KCND3: variants seen among roughly 807,000 people sequenced by gnomAD.
KCND3 encodes A-type voltage-gated potassium channel KCND3.
In KCND3, 9 loss-of-function variants were observed where a neutral mutation model predicts 51.1. The observed-to-expected ratio is 0.18, with a 90% CI of 0.11 to 0.31. The LOEUF is 0.31. Among genes scored for constraint, KCND3 ranks in the 10% least tolerant of loss-of-function variants. KCND3 has a pLI of 1.00. For missense variants in KCND3, 526 were observed against 903.8 expected (o/e 0.58, Z 5.36); for synonymous variants, 349 against 368.0 (o/e 0.95, Z 0.59).
At chr1:111,965,574 C>G (rs1180923451) in intron 2 of KCND3, among the ~76,000 whole-genome samples, 1 of 151,724 alleles carries the variant, frequency 6.6e-6, no homozygotes, top group Non-Finnish European at 1.5e-5. Context: ...GCTCTCCAAA[C>G]CAGCTTTCTC....
intron 5 of KCND3, among the ~76,000 whole-genome samples, chr1:111,779,987 G>A (rs1664301316): frequency 6.6e-6 from 1 of 152,202 alleles, no homozygotes; most frequent in Non-Finnish European, 1.5e-5. Flanking sequence ...AGGAGTGTGT[G>A]GGAGGCTGGG....
Position 111,775,819 on chromosome 1 carries a change from A to AGC in KCND3, c.*257_*258insGC. On this transcript the variant is annotated 3_prime_UTR_variant, in exon 8 of 8. Coordinates refer to ENST00000302127, the MANE Select transcript of KCND3 (RefSeq NM_001378969.1). ...GCCTATATCCCCCGGCCTATCCCCG[A>AGC]CCCCCCCACCCTCCCTCCCTTCCTC... 35 of 97,706 alleles carry AGC rather than the reference A, an allele frequency of 3.6e-4. 8 individuals carry two copies. The highest frequency in any genetic ancestry group is 1.9e-3 in the South Asian group (10 of 5,202). 6.1% of individuals were successfully genotyped at this position (97,706 alleles called of 1,614,324 possible).
chr1:111,873,436 G>A (rs988588666), intron 2 of KCND3, among the ~76,000 whole-genome samples: 2 of 152,194 alleles, frequency 1.3e-5, no homozygotes, highest in African/African-American at 4.8e-5. Context: ...GAATTACTGG[G>A]TGAAATCTTC....
chr1:111,964,486 T>G (rs1322267069), intron 2 of KCND3, among the ~76,000 whole-genome samples: 1 of 151,904 alleles, frequency 6.6e-6, no homozygotes, highest in Non-Finnish European at 1.5e-5. Context: ...AGAGCCCTGG[T>G]CAGTAACCTC....
At chr1:111,904,925 C>T (rs1264399328) in intron 2 of KCND3, among the ~76,000 whole-genome samples, 1 of 152,196 alleles carries the variant, frequency 6.6e-6, no homozygotes, top group East Asian at 1.9e-4. Context: ...TCACGTCCCT[C>T]TGCCTTGGCC....
At chr1:111,887,665 T>A (rs1190180898) in intron 2 of KCND3, among the ~76,000 whole-genome samples, 1 of 152,144 alleles carries the variant, frequency 6.6e-6, no homozygotes, top group Non-Finnish European at 1.5e-5. Flanking sequence ...GCAGGCTGAA[T>A]CAGAGCAGAT....
At position 111,778,433 on chromosome 1, in the gene KCND3, T is replaced by C. The variant is rs1664225710; in HGVS notation, c.1518+3A>G. Reference sequence around the variant, plus strand: ...CATCAATTGAATTTTTAAAAAGTTATACCTTGATGGTGGAGGTTCGTACAG... The same window carrying C: ...CATCAATTGAATTTTTAAAAAGTTACACCTTGATGGTGGAGGTTCGTACAG... On this transcript the variant is annotated splice_donor_region_variant and intron_variant, in intron 6 of 7. Transcript: ENST00000302127. 1.9e-6 allele frequency: 3 copies of C among 1,612,822 alleles called. No individual in the cohort carries two copies. Among genetic ancestry groups the C allele is most frequent in the African/African-American group, 1.3e-5 (1 of 74,832 alleles).
At chr1:111,833,387 G>A (rs1666930136) in intron 2 of KCND3, among the ~76,000 whole-genome samples, 2 of 152,216 alleles carry the variant, frequency 1.3e-5, no homozygotes, top group South Asian at 4.1e-4. Context: ...CTTATTGAAT[G>A]GCCTTTCCCA....
rs1049757260 is a variant in KCND3 at position 111,775,831 on chromosome 1, TC to T, written c.*245del. Reference sequence around the variant, plus strand: ...CGGCCTATCCCCGACCCCCCCACCCTCCCTCCCTTCCTCTGGCCCCAGTGAG... The same window carrying T: ...CGGCCTATCCCCGACCCCCCCACCCTCCTCCCTTCCTCTGGCCCCAGTGAG... On this transcript the variant is annotated 3_prime_UTR_variant, in exon 8 of 8. Transcript: ENST00000302127. 10 of 75,042 alleles carry T rather than the reference TC, an allele frequency of 1.3e-4. No homozygotes were observed. In the East Asian group the frequency reaches 3.8e-3, roughly 29 times the overall value. 4.6% of individuals were successfully genotyped at this position (75,042 alleles called of 1,614,324 possible).
chr1:111,965,823 G>A (rs376630923), intron 2 of KCND3, among the ~76,000 whole-genome samples: 109 of 152,114 alleles, frequency 7.2e-4, no homozygotes, highest in Middle Eastern at 6.8e-3. Flanking sequence ...ATGTGCAGGC[G>A]CCTCTCCCTG....
chr1:111,839,429 C>T (rs1667225585), intron 2 of KCND3, among the ~76,000 whole-genome samples: 1 of 152,232 alleles, frequency 6.6e-6, no homozygotes, highest in African/African-American at 2.4e-5. Flanking sequence ...TATCCTAATT[C>T]CCTTTTGTTA....
intron 2 of KCND3, among the ~76,000 whole-genome samples, chr1:111,925,015 G>T (rs1671638720): frequency 2.0e-5 from 3 of 152,156 alleles, no homozygotes. Context: ...CCTATCCAGG[G>T]ACTAGCACTA....
intron 2 of KCND3, among the ~76,000 whole-genome samples, chr1:111,885,245 T>G (rs750573479): frequency 2.6e-5 from 4 of 152,216 alleles, no homozygotes; most frequent in Non-Finnish European, 5.9e-5. Flanking sequence ...ACCCGCATGC[T>G]GATTTATGAC....
At chr1:111,947,616 A>G (rs1672844360) in intron 2 of KCND3, among the ~76,000 whole-genome samples, 1 of 152,208 alleles carries the variant, frequency 6.6e-6, no homozygotes, top group Admixed American at 6.5e-5. Flanking sequence ...GTGTTCTTGA[A>G]GCAATCCTCT....
In KCND3 at chr1:111,853,116, G is replaced by A. The variant is rs948622571; in HGVS notation, c.1107-66010C>T. 4.6e-5 allele frequency among the ~76,000 whole-genome samples: 7 copies of A among 152,218 alleles called. No individual in the cohort carries two copies. The South Asian group carries it at 8.3e-4, about 18-fold the overall frequency. Reference sequence around the variant, plus strand: ...ACCCCACTTTCCAGGTGGAGAAATCGAGGCTTAGAAAATGCAGTGGGTTGT... The same window carrying A: ...ACCCCACTTTCCAGGTGGAGAAATCAAGGCTTAGAAAATGCAGTGGGTTGT... On this transcript the variant is annotated intron_variant, in intron 2 of 7. Coordinates refer to ENST00000302127, the MANE Select transcript of KCND3 (RefSeq NM_001378969.1).
intron 2 of KCND3, among the ~76,000 whole-genome samples, chr1:111,790,471 C>A (rs1156819528): frequency 6.6e-6 from 1 of 152,164 alleles, no homozygotes; most frequent in Non-Finnish European, 1.5e-5. Context: ...TCCCATGCCC[C>A]AATGCCCACT....
chr1:111,799,319 A>G (rs1665190486), intron 2 of KCND3, among the ~76,000 whole-genome samples: 1 of 152,266 alleles, frequency 6.6e-6, no homozygotes, highest in Non-Finnish European at 1.5e-5. Flanking sequence ...ACAGTCATGT[A>G]TGAAATGTTT....
intron 2 of KCND3, among the ~76,000 whole-genome samples, chr1:111,941,246 A>G (rs1287401339): frequency 6.6e-6 from 1 of 151,802 alleles, no homozygotes; most frequent in African/African-American, 2.4e-5. Context: ...AAAAGCCAAC[A>G]TTGTGGAAGG....
At chr1:111,894,543 T>C (rs548032322) in intron 2 of KCND3, among the ~76,000 whole-genome samples, 45 of 152,346 alleles carry the variant, frequency 3.0e-4, no homozygotes, top group Non-Finnish European at 5.4e-4. Flanking sequence ...TATTTTTGGC[T>C]CTACCCCAGA....
Sources: allele counts gnomAD v4.1 joint callset (sites outside exome capture counted in the v4.1 genomes callset), GRCh38; gene constraint gnomAD v4.1.1; transcripts MANE v1.5; gene names NCBI Gene and HGNC (gene_info 2026-07-23, HGNC 2026-07-21).